Variants in SNX18 observed in about 807,000 individuals in gnomAD.
The protein encoded by SNX18 is sorting nexin 18, also known as sorting nexin-18.
Under a neutral mutation model 48.7 loss-of-function variants are expected in SNX18, and 35 were observed. The observed-to-expected ratio is 0.72, with a 90% CI of 0.55 to 0.95. SNX18 has a LOEUF of 0.95. Ranked by LOEUF, SNX18 falls within the 40% of genes least tolerant of loss-of-function variation. The pLI is 0.00. For missense variants in SNX18, 824 were observed against 871.0 expected (o/e 0.95, Z 0.68); for synonymous variants, 492 against 384.7 (o/e 1.28, Z -3.26).
chr5:54,531,690 G>A (rs542383312), intron 1 of SNX18, among the ~76,000 whole-genome samples: 6 of 152,254 alleles, frequency 3.9e-5, no homozygotes, highest in East Asian at 3.9e-4. Context: ...CACAGCCACC[G>A]GACACCTGGG....
At chr5:54,616,989 C>T in the SNX18 span, among the ~76,000 whole-genome samples, 5 of 152,274 alleles carry the variant, frequency 3.3e-5, no homozygotes, top group Admixed American at 1.3e-4. Flanking sequence ...TGGTTTTTAT[C>T]TCTGAGTCAC....
chr5:54,626,688 G>C, the SNX18 span, among the ~76,000 whole-genome samples: 70 of 152,280 alleles, frequency 4.6e-4, no homozygotes, highest in East Asian at 0.013. Flanking sequence ...CATCTAATAG[G>C]TAGAGGCCAG....
chr5:54,525,124 C>CTCGTAAT (rs1762107486), intron 1 of SNX18, among the ~76,000 whole-genome samples: 1 of 152,110 alleles, frequency 6.6e-6, no homozygotes, highest in Non-Finnish European at 1.5e-5. Flanking sequence ...ACCTGCGTAA[C>CTCGTAAT]GCTCACTTAT....
chr5:54,565,085 T>C, the SNX18 span, among the ~76,000 whole-genome samples: 45 of 152,302 alleles, frequency 3.0e-4, 1 homozygote, highest in South Asian at 9.3e-3. Flanking sequence ...TTTTTTCACC[T>C]GTAAGGACCC....
At chr5:54,561,504 A>ATTTTTTTTTTTTTTTTTTTTTTT in the SNX18 span, among the ~76,000 whole-genome samples, 32 of 133,004 alleles carry the variant, frequency 2.4e-4, no homozygotes, top group African/African-American at 8.9e-4. Flanking sequence ...CGCCCAGCTA[A>ATTTTTTTTTTTTTTTTTTTTTTT]TTTTTTTTTT....
At chr5:54,615,568 A>G in the SNX18 span, among the ~76,000 whole-genome samples, 10 of 152,236 alleles carry the variant, frequency 6.6e-5, no homozygotes, top group Non-Finnish European at 1.2e-4. Flanking sequence ...ATATCTTTGC[A>G]TTGTATCACA....
At chr5:54,530,109 T>A (rs1762225265) in intron 1 of SNX18, among the ~76,000 whole-genome samples, 1 of 152,174 alleles carries the variant, frequency 6.6e-6, no homozygotes, top group South Asian at 2.1e-4. Flanking sequence ...ATCACCTCAG[T>A]CTGTGCCTCC....
chr5:54,592,583 C>G, the SNX18 span, among the ~76,000 whole-genome samples: 2 of 152,132 alleles, frequency 1.3e-5, no homozygotes, highest in Non-Finnish European at 2.9e-5. Context: ...TGTGGTCAGT[C>G]AACAATTCAA....
chr5:54,647,524 G>C, the SNX18 span, among the ~76,000 whole-genome samples: 3 of 152,182 alleles, frequency 2.0e-5, no homozygotes, highest in Non-Finnish European at 4.4e-5. Flanking sequence ...AGCCTGGCAT[G>C]GTTTGGGAAC....
intron 1 of SNX18, among the ~76,000 whole-genome samples, chr5:54,531,792 G>A (rs771489825): frequency 1.3e-5 from 2 of 152,170 alleles, no homozygotes; most frequent in African/African-American, 2.4e-5. Flanking sequence ...CCACAGCCTC[G>A]TGATCGTGAA....
At chr5:54,547,124 T>A (rs909177657), downstream of SNX18, among the ~76,000 whole-genome samples, 3 of 152,250 alleles carry the variant, frequency 2.0e-5, no homozygotes, top group African/African-American at 7.2e-5. Flanking sequence ...TAGCATCTTG[T>A]AATGTCTAGA....
chr5:54,520,437 TG>T (rs151287583), intron 1 of SNX18: 9,223 of 167,706 alleles, frequency 0.055, 350 homozygotes, highest in Middle Eastern at 0.098. Flanking sequence ...TATAATGCCT[TG>T]ATTGAGAGAA....
chr5:54,519,327 G>A lies in SNX18; in HGVS notation c.1375G>A (p.Gly459Ser), dbSNP rs745927905. The change falls in exon 1 of 2, where the codon GGC (glycine) becomes AGC (serine). Residue 459 changes from glycine (G) to serine (S), a missense_variant. Physicochemically the swap from Gly to Ser is moderately conservative, Grantham distance 56. Transcript: ENST00000381410. ...CGAGTTCGCGCGCAAGCAGGTGACC[G>A]GCTTCAAAAAGGAGTATCAGAAGGT... ...ANEFARKQVT[G>S]FKKEYQKVGQ... The A allele has an allele frequency of 2.5e-6, 4 of 1,613,606 alleles. No individual in the cohort carries two copies. The East Asian group carries it at 8.9e-5, about 36-fold the overall frequency.
In SNX18 at chr5:54,518,055, A is replaced by G. The variant is rs1761903848; in HGVS notation, c.103A>G (p.Ile35Val). ...GCTGAGCCTGTGCAGCGAGCAGGACATCGAGGGCTGGCTCGAGGGGGTCAA... is the reference window on the plus strand; with the variant it reads ...GCTGAGCCTGTGCAGCGAGCAGGACGTCGAGGGCTGGCTCGAGGGGGTCAA... ...EVLSLCSEQD[I>V]EGWLEGVNSR... Residue 35 changes from isoleucine to valine, a missense_variant, in exon 1 of 2, where the codon ATC (isoleucine) becomes GTC (valine). Ile to Val is a conservative substitution (Grantham distance 29). Coordinates refer to ENST00000381410, the MANE Select transcript of SNX18 (RefSeq NM_001102575.2). 6 of 1,546,776 alleles carry G rather than the reference A, an allele frequency of 3.9e-6. No individual in the cohort carries two copies. Among genetic ancestry groups the G allele is most frequent in the Admixed American group, 1.9e-5 (1 of 51,904 alleles).
At chr5:54,584,185 G>A in the SNX18 span, among the ~76,000 whole-genome samples, 23 of 149,104 alleles carry the variant, frequency 1.5e-4, no homozygotes, top group African/African-American at 4.9e-4. Flanking sequence ...CAAGTAGCTG[G>A]GACTACAGGC....
chr5:54,528,082 A>T (rs529685904), intron 1 of SNX18, among the ~76,000 whole-genome samples: 1 of 152,174 alleles, frequency 6.6e-6, no homozygotes, highest in East Asian at 1.9e-4. Flanking sequence ...TGTATACCTC[A>T]TGATTTCACT....
At chr5:54,522,584 C>G (rs1762051813) in intron 1 of SNX18, among the ~76,000 whole-genome samples, 1 of 152,176 alleles carries the variant, frequency 6.6e-6, no homozygotes, top group African/African-American at 2.4e-5. Context: ...AAGGGGGAAG[C>G]AAGTCCTGCT....
chr5:54,519,489 C>T lies in SNX18; in HGVS notation c.1537C>T (p.Gln513Ter), dbSNP rs1761967147. 1 of 1,614,108 alleles carries T rather than the reference C, an allele frequency of 6.2e-7. No homozygotes were observed. Among genetic ancestry groups the T allele is most frequent in the Non-Finnish European group, 8.5e-7 (1 of 1,180,044 alleles). Residue 513 changes from glutamine to a stop codon, truncating the protein, a stop_gained, in exon 1 of 2, where the codon CAG becomes TAG. Transcript: ENST00000381410. LOFTEE classifies it high-confidence loss of function. ...CGAGCTCTTCGCGGAGCAGCCCAGGCAGGACCTGGATCCCGTCATGGACCT... is the reference window on the plus strand; with the variant it reads ...CGAGCTCTTCGCGGAGCAGCCCAGGTAGGACCTGGATCCCGTCATGGACCT... The part of the protein sequence containing the change: ...IGELFAEQPR[Q>*]DLDPVMDLLA...
the SNX18 span, among the ~76,000 whole-genome samples, chr5:54,618,124 C>T: frequency 6.6e-6 from 1 of 152,204 alleles, no homozygotes; most frequent in Non-Finnish European, 1.5e-5. Context: ...CTGCTGTTCT[C>T]ATGATAGTGA....
Sources: gnomAD v4.1 joint callset for allele counts (sites outside exome capture counted in the v4.1 genomes callset) on GRCh38, gnomAD v4.1.1 for gene constraint, MANE v1.5 for transcripts, NCBI Gene and HGNC (gene_info 2026-07-23, HGNC 2026-07-21) for gene names.